The following UVRAG variants were observed in gnomAD, a reference collection of about 807,000 sequenced individuals.
UVRAG encodes UV radiation resistance associated.
UVRAG carries 19 observed loss-of-function variants against 78.0 expected under a neutral mutation model. The ratio of observed to expected loss-of-function variants is 0.24; its 90% CI spans 0.17 to 0.36. The LOEUF is 0.36. Ranked by LOEUF, UVRAG falls within the 10% of genes least tolerant of loss-of-function variation. The pLI is 1.00. For synonymous variants in UVRAG, 323 were observed against 324.6 expected, an observed-to-expected ratio of 1.00 and a Z score of 0.05; for missense variants, 740 against 853.8, an observed-to-expected ratio of 0.87 and a Z score of 1.66.
At chr11:76,012,262 A>T (rs1437253739) in intron 11 of UVRAG, among the ~76,000 whole-genome samples, 1 of 152,030 alleles carries the variant, frequency 6.6e-6, no homozygotes, top group African/African-American at 2.4e-5. Flanking sequence ...CCTAATTCTC[A>T]CAACTGTGAG....
At chr11:76,112,826 A>C (rs1411895053) in intron 13 of UVRAG, among the ~76,000 whole-genome samples, 1 of 151,618 alleles carries the variant, frequency 6.6e-6, no homozygotes, top group African/African-American at 2.4e-5. Context: ...TCCCAGGCTC[A>C]AGCAATCCTC....
intron 12 of UVRAG, among the ~76,000 whole-genome samples, chr11:76,022,679 G>A (rs1950266930): frequency 1.3e-5 from 2 of 152,218 alleles, no homozygotes; most frequent in East Asian, 1.9e-4. Flanking sequence ...GTCTCTTGAA[G>A]ATGGCATATA....
chr11:75,874,261 TAGAAAG>T, intron 3 of UVRAG, among the ~76,000 whole-genome samples: 1 of 150,046 alleles, frequency 6.7e-6, no homozygotes, highest in Non-Finnish European at 1.5e-5. Context: ...TGTAATTTGG[TAGAAAG>T]AGAAAAAAAA....
chr11:75,848,838 T>C (rs903586034), intron 1 of UVRAG, among the ~76,000 whole-genome samples: 7 of 152,214 alleles, frequency 4.6e-5, no homozygotes, highest in Non-Finnish European at 1.0e-4. Context: ...TTTTGAGATA[T>C]CTCCTGTCAT....
intron 11 of UVRAG, among the ~76,000 whole-genome samples, chr11:76,010,530 A>G (rs1950031291): frequency 6.6e-6 from 1 of 152,180 alleles, no homozygotes; most frequent in Non-Finnish European, 1.5e-5. Flanking sequence ...GTCACCAAGT[A>G]CAAAGGTGAT....
chr11:76,047,401 A>G (rs1232882984), intron 12 of UVRAG, among the ~76,000 whole-genome samples: 1 of 152,164 alleles, frequency 6.6e-6, no homozygotes, highest in African/African-American at 2.4e-5. Flanking sequence ...AGACATTTAT[A>G]TTAGTCATTT....
chr11:76,062,767 T>C (rs1405290461), intron 12 of UVRAG, among the ~76,000 whole-genome samples: 1 of 152,172 alleles, frequency 6.6e-6, no homozygotes, highest in Non-Finnish European at 1.5e-5. Context: ...TAAATAACAA[T>C]AATACTGACT....
intron 3 of UVRAG, among the ~76,000 whole-genome samples, chr11:75,863,997 T>G (rs567027353): frequency 1.7e-4 from 26 of 152,252 alleles, no homozygotes; most frequent in African/African-American, 5.5e-4. Flanking sequence ...TTTAAAGGTA[T>G]TCTTTGAGAT....
At chr11:75,899,108 T>C (rs902156738) in intron 5 of UVRAG, among the ~76,000 whole-genome samples, 2 of 152,158 alleles carry the variant, frequency 1.3e-5, no homozygotes, top group African/African-American at 4.8e-5. Flanking sequence ...TGGTTTTCCT[T>C]TCCCCTGCCT....
chr11:76,117,598 A>G (rs1176226703), intron 14 of UVRAG, among the ~76,000 whole-genome samples: 7 of 152,238 alleles, frequency 4.6e-5, no homozygotes, highest in Non-Finnish European at 7.3e-5. Context: ...GGGGCTTTAG[A>G]TCTGAAATAA....
intron 5 of UVRAG, among the ~76,000 whole-genome samples, chr11:75,902,839 C>T (rs548966817): frequency 1.5e-4 from 23 of 152,276 alleles, no homozygotes; most frequent in South Asian, 1.2e-3. Flanking sequence ...AGTTTCCTGG[C>T]GGACCTATAG....
intron 8 of UVRAG, among the ~76,000 whole-genome samples, chr11:75,998,766 G>A (rs774661616): frequency 1.3e-5 from 2 of 152,148 alleles, no homozygotes; most frequent in South Asian, 2.1e-4. Context: ...ATGTGACTAC[G>A]GCAGATATAA....
chr11:76,023,875 A>G (rs1270520255), intron 12 of UVRAG, among the ~76,000 whole-genome samples: 2 of 152,092 alleles, frequency 1.3e-5, no homozygotes, highest in Non-Finnish European at 2.9e-5. Context: ...CCCTGGAGGG[A>G]TAGGTCTTTG....
At chr11:76,004,655 T>C (rs1410527813) in intron 9 of UVRAG, among the ~76,000 whole-genome samples, 1 of 152,070 alleles carries the variant, frequency 6.6e-6, no homozygotes, top group Admixed American at 6.6e-5. Flanking sequence ...AGACAGGGTC[T>C]CACTCTGTCA....
At chr11:76,084,746 A>G (rs996687030) in intron 13 of UVRAG, among the ~76,000 whole-genome samples, 1 of 151,924 alleles carries the variant, frequency 6.6e-6, no homozygotes, top group Non-Finnish European at 1.5e-5. Flanking sequence ...TTATGTGACA[A>G]ATAGTTCACA....
intron 1 of UVRAG, chr11:75,839,061 G>GTA (rs760817642): frequency 6.6e-6 from 1 of 152,166 alleles, no homozygotes; most frequent in Non-Finnish European, 1.5e-5. Flanking sequence ...CAATTTTAGT[G>GTA]TAGTTTTAAC....
intron 6 of UVRAG, among the ~76,000 whole-genome samples, chr11:75,935,432 G>C (rs1206654573): frequency 6.6e-6 from 1 of 152,090 alleles, no homozygotes. Context: ...TGACTTTGTT[G>C]TGAAATATGT....
intron 12 of UVRAG, among the ~76,000 whole-genome samples, chr11:76,060,627 T>C (rs931801273): frequency 1.3e-5 from 2 of 152,050 alleles, no homozygotes; most frequent in Non-Finnish European, 2.9e-5. Flanking sequence ...GAGTTCCGGG[T>C]GGGCGTGGGT....
chr11:75,820,219 C>A (rs957606432), intron 1 of UVRAG, among the ~76,000 whole-genome samples: 1 of 152,288 alleles, frequency 6.6e-6, no homozygotes, highest in East Asian at 1.9e-4. Context: ...CTCAAGATAT[C>A]CTCCCGCCTT....
Sources: allele counts gnomAD v4.1 joint callset (sites outside exome capture counted in the v4.1 genomes callset), GRCh38; gene constraint gnomAD v4.1.1; transcripts MANE v1.5; gene names NCBI Gene and HGNC (gene_info 2026-07-23, HGNC 2026-07-21).